MAP3K5: variants seen among roughly 807,000 people sequenced by gnomAD.
MAP3K5 encodes the protein ASK-1.
Under a neutral mutation model 158.7 loss-of-function variants are expected in MAP3K5, and 56 were observed. That is an observed-to-expected ratio of 0.35 (90% CI 0.28 to 0.44). The LOEUF is 0.44. Ranked by LOEUF, MAP3K5 falls within the 20% of genes least tolerant of loss-of-function variation. The probability of loss-of-function intolerance (pLI) is 1.00; values close to 1 mark genes in which losing one functional copy is unlikely to be tolerated. For missense variants in MAP3K5, 1,294 were observed against 1,674.8 expected (o/e 0.77, Z 3.97); for synonymous variants, 579 against 601.7 (o/e 0.96, Z 0.55).
intron 1 of MAP3K5, among the ~76,000 whole-genome samples, chr6:136,740,989 T>C (rs1287893379): frequency 6.6e-6 from 1 of 152,176 alleles, no homozygotes; most frequent in Non-Finnish European, 1.5e-5. Flanking sequence ...CTTCTTCATG[T>C]TGAATTCCCA....
chr6:136,737,233 T>C (rs754592119), intron 1 of MAP3K5, among the ~76,000 whole-genome samples: 1 of 151,226 alleles, frequency 6.6e-6, no homozygotes, highest in Non-Finnish European at 1.5e-5. Context: ...CTGGGGATAC[T>C]AGAGACGGGA....
At chr6:136,789,184 C>A (rs192762004) in intron 1 of MAP3K5, among the ~76,000 whole-genome samples, 131 of 152,278 alleles carry the variant, frequency 8.6e-4, no homozygotes, top group Admixed American at 2.0e-3. Context: ...GTGGCTCATG[C>A]CTGTAGTCCC....
intron 9 of MAP3K5, among the ~76,000 whole-genome samples, chr6:136,656,663 C>T (rs1028772094): frequency 9.2e-5 from 14 of 151,694 alleles, no homozygotes; most frequent in African/African-American, 1.5e-4. Flanking sequence ...CTCGCTCTGT[C>T]GCCCAGGCTG....
At chr6:136,737,386 A>G (rs1055874980) in intron 1 of MAP3K5, among the ~76,000 whole-genome samples, 1 of 151,722 alleles carries the variant, frequency 6.6e-6, no homozygotes, top group African/African-American at 2.4e-5. Flanking sequence ...CTCTGAAACT[A>G]AAATAAAAGT....
intron 13 of MAP3K5, among the ~76,000 whole-genome samples, chr6:136,638,892 A>G (rs1777779606): frequency 6.6e-6 from 1 of 152,266 alleles, no homozygotes; most frequent in African/African-American, 2.4e-5. Flanking sequence ...CTTCTAAATT[A>G]TCACTCACTT....
chr6:136,566,271 A>C (rs1480939534), intron 26 of MAP3K5, among the ~76,000 whole-genome samples: 1 of 152,206 alleles, frequency 6.6e-6, no homozygotes, highest in East Asian at 1.9e-4. Context: ...TTTCAGGGCC[A>C]GAAAAGCAGA....
intron 1 of MAP3K5, among the ~76,000 whole-genome samples, chr6:136,735,374 C>A (rs1039295123): frequency 1.3e-5 from 2 of 151,952 alleles, no homozygotes; most frequent in African/African-American, 4.8e-5. Context: ...AATGTGTGGA[C>A]CTTGGTTGGA....
At chr6:136,678,242 T>C (rs1163217636) in intron 7 of MAP3K5, among the ~76,000 whole-genome samples, 1 of 152,200 alleles carries the variant, frequency 6.6e-6, no homozygotes, top group Non-Finnish European at 1.5e-5. Context: ...GTATTGCTTT[T>C]ATATTAAGGA....
intron 26 of MAP3K5, among the ~76,000 whole-genome samples, chr6:136,566,627 G>A (rs1774121771): frequency 6.6e-6 from 1 of 152,146 alleles, no homozygotes; most frequent in Non-Finnish European, 1.5e-5. Context: ...GGGTTTCAGA[G>A]GACAAAATTG....
At chr6:136,692,817 G>A (rs868551870) in intron 7 of MAP3K5, among the ~76,000 whole-genome samples, 13 of 152,080 alleles carry the variant, frequency 8.5e-5, no homozygotes, top group Middle Eastern at 3.2e-3. Context: ...TTAGCCAGGC[G>A]TGGTGGCACA....
At chr6:136,689,781 G>A (rs1780310273) in intron 7 of MAP3K5, among the ~76,000 whole-genome samples, 1 of 152,072 alleles carries the variant, frequency 6.6e-6, no homozygotes, top group Non-Finnish European at 1.5e-5. Flanking sequence ...AGGACTATGA[G>A]AAGTACATGT....
chr6:136,752,595 A>T (rs1783263899), intron 1 of MAP3K5, among the ~76,000 whole-genome samples: 1 of 152,074 alleles, frequency 6.6e-6, no homozygotes, highest in Admixed American at 6.5e-5. Context: ...TATTTTTAGT[A>T]GAGATGGGGT....
chr6:136,642,404 T>C (rs535875508), intron 12 of MAP3K5, 116 bp downstream of exon 12: 6 of 782,242 alleles, frequency 7.7e-6, no homozygotes, highest in East Asian at 2.5e-5. Flanking sequence ...TTTCCACCAA[T>C]TGAATGATTC....
At chr6:136,597,265 T>C (rs528247411) in intron 21 of MAP3K5, among the ~76,000 whole-genome samples, 14 of 152,310 alleles carry the variant, frequency 9.2e-5, no homozygotes, top group South Asian at 6.2e-4. Context: ...GGCAACCCTA[T>C]GGACTCCAGA....
At chr6:136,562,449 C>T in intron 27 of MAP3K5, 54 bp downstream of exon 27, 1 of 900,176 alleles carries the variant, frequency 1.1e-6, no homozygotes, top group African/African-American at 1.8e-5. Context: ...GCTTTCTTGG[C>T]TTTTTGTGGC....
intron 2 of MAP3K5, among the ~76,000 whole-genome samples, chr6:136,715,089 T>C (rs1408774590): frequency 6.6e-6 from 1 of 152,182 alleles, no homozygotes; most frequent in African/African-American, 2.4e-5. Flanking sequence ...TAATCTAACA[T>C]AATCATTACG....
rs566115842 is a variant in MAP3K5 at position 136,787,502 on chromosome 6, C to T, written c.448+4208G>A. Reference sequence around the variant, plus strand: ...AGGGAATCTCAGATACCAATTATTCCAACACTCCACTCTTTTCTGAGGCTT... The same window carrying T: ...AGGGAATCTCAGATACCAATTATTCTAACACTCCACTCTTTTCTGAGGCTT... On this transcript the variant is annotated intron_variant, in intron 1 of 29. Transcript: ENST00000359015. Among the ~76,000 whole-genome samples the T allele has an allele frequency of 5.9e-5, 9 of 152,254 alleles. 1 individual carries two copies. The South Asian group carries it at 1.9e-3, about 32-fold the overall frequency.
chr6:136,706,596 C>A (rs947965210), intron 2 of MAP3K5, among the ~76,000 whole-genome samples: 2 of 152,118 alleles, frequency 1.3e-5, no homozygotes, highest in Non-Finnish European at 2.9e-5. Flanking sequence ...GCCTCAAGGG[C>A]GAGTCCATCT....
intron 11 of MAP3K5, among the ~76,000 whole-genome samples, chr6:136,650,638 A>T (rs1365738329): frequency 6.6e-6 from 1 of 152,218 alleles, no homozygotes; most frequent in Non-Finnish European, 1.5e-5. Flanking sequence ...CCTAAAATTA[A>T]CATATGCATC....
Sources: allele counts gnomAD v4.1 joint callset (sites outside exome capture counted in the v4.1 genomes callset), GRCh38; gene constraint gnomAD v4.1.1; transcripts MANE v1.5; gene names NCBI Gene and HGNC (gene_info 2026-07-23, HGNC 2026-07-21).